C4orf50: variants seen among roughly 807,000 people sequenced by gnomAD.
C4orf50 encodes chromosome 4 open reading frame 50.
Under a neutral mutation model 77.2 loss-of-function variants are expected in C4orf50, and 80 were observed. The observed-to-expected ratio is 1.04, with a 90% confidence interval of 0.87 to 1.25. The LOEUF (loss-of-function observed/expected upper bound fraction) is 1.25, where lower values mean the gene tolerates loss of function less well. Among genes scored for constraint, C4orf50 ranks in the 50% most tolerant of loss-of-function variants. The pLI is 0.00. For missense variants in C4orf50, 1,257 were observed against 1,152.9 expected (o/e 1.09, Z -1.31); for synonymous variants, 532 against 465.3 (o/e 1.14, Z -1.84).
At chr4:5,921,436 C>T (rs77091463) in intron 7 of C4orf50, among the ~76,000 whole-genome samples, 11,168 of 152,156 alleles carry the variant, frequency 0.073, 484 homozygotes, top group Non-Finnish European at 0.1. Context: ...TAGACGGTGG[C>T]ACATGTTATG....
intron 25 of C4orf50, among the ~76,000 whole-genome samples, chr4:6,006,440 T>C (rs1251954240): frequency 6.6e-6 from 1 of 152,204 alleles, no homozygotes; most frequent in Non-Finnish European, 1.5e-5. Flanking sequence ...TGGACTCTCA[T>C]CAAATTTTGA....
intron 7 of C4orf50, among the ~76,000 whole-genome samples, chr4:5,925,036 G>T (rs9291103): frequency 0.79 from 119,959 of 150,976 alleles, 47,718 homozygotes; most frequent in East Asian, 0.84. Context: ...CAGGAGGTTC[G>T]CAGTGGTGGC....
intron 28 of C4orf50, among the ~76,000 whole-genome samples, chr4:5,983,941 A>G (rs980477498): frequency 3.9e-5 from 6 of 152,248 alleles, no homozygotes; most frequent in African/African-American, 1.2e-4. Flanking sequence ...AGCCTTGCAA[A>G]GAACAGCAGC....
Position 6,009,899 on chromosome 4 carries a change from A to T in C4orf50, c.427-1367T>A, listed in dbSNP as rs1339952857. Among the ~76,000 whole-genome samples the T allele has an allele frequency of 1.3e-5, 2 of 152,124 alleles. No homozygotes were observed. The highest frequency in any genetic ancestry group is 2.9e-5 in the Non-Finnish European group (2 of 68,036). ...TTTGAACATCTGCCGCCTGTCTGGA[A>T]ATGGGGTTTTGTGATGAGTCTTTCC... On this transcript the variant is annotated intron_variant, in intron 24 of 33. Coordinates refer to ENST00000531445, the Ensembl canonical transcript of C4orf50. This position sits in a 1 kb window ranked among gnomAD's most constrained non-coding sequence, Gnocchi z 5.6.
intron 28 of C4orf50, among the ~76,000 whole-genome samples, chr4:5,983,033 G>T (rs767387114): frequency 1.1e-4 from 16 of 152,086 alleles, no homozygotes; most frequent in Admixed American, 2.0e-4. Context: ...GAGGGTTTTC[G>T]GTCAAAGAGT....
rs777241196 is a variant in C4orf50 at position 6,017,508 on chromosome 4, G to A, written c.287+637C>T. ...GTGGAGTTGATATAGTTCTGTTTAC[G>A]TAGAAACACCTATTCATTGTGAGTT... On this transcript the variant is annotated intron_variant, in intron 23 of 33. Coordinates refer to ENST00000531445, the Ensembl canonical transcript of C4orf50. This position sits in a 1 kb window ranked among gnomAD's most constrained non-coding sequence, Gnocchi z 4.7. Among the ~76,000 whole-genome samples the A allele has an allele frequency of 9.9e-5, 15 of 152,200 alleles. No homozygotes were observed. Among genetic ancestry groups the A allele is most frequent in the South Asian group, 2.1e-4 (1 of 4,826 alleles).
intron 31 of C4orf50, among the ~76,000 whole-genome samples, chr4:5,972,775 A>G (rs1720004499): frequency 6.6e-6 from 1 of 152,240 alleles, no homozygotes; most frequent in African/African-American, 2.4e-5. Flanking sequence ...ACCCGCGCAC[A>G]TAAGGAGCGG....
rs769294112 is a variant in C4orf50, at chr4:5,965,037, A to C, written c.4262T>G (p.Leu1421Arg). 8 of 1,613,312 alleles carry C rather than the reference A, an allele frequency of 5.0e-6. No individual in the cohort carries two copies. In the South Asian group the frequency reaches 8.8e-5, roughly 18 times the overall value. ...GTGCCTTCTCACCTTCAGAGAATCC[A>C]GTTGGGCTGTCTGTGCTGGCCACTC... The change falls in exon 33 of 34, where the codon CTG becomes CGG. Residue 1421 changes from leucine to arginine, a missense_variant. Leu to Arg is a moderately radical substitution (Grantham distance 102, BLOSUM62 -2). Transcript: ENST00000531445.
chr4:5,939,936 T>C (rs1464474611), intron 7 of C4orf50, among the ~76,000 whole-genome samples: 1 of 152,226 alleles, frequency 6.6e-6, no homozygotes, highest in Non-Finnish European at 1.5e-5. Context: ...GGTTTTTGCA[T>C]CCTCTGCCCC....
At chr4:5,929,943 T>C (rs1462007761) in intron 7 of C4orf50, among the ~76,000 whole-genome samples, 1 of 151,180 alleles carries the variant, frequency 6.6e-6, no homozygotes, top group Non-Finnish European at 1.5e-5. Flanking sequence ...CTACTAGAGA[T>C]GCCAAGTTAG....
At chr4:5,918,218 TCACA>T (rs1224121037) in intron 7 of C4orf50, among the ~76,000 whole-genome samples, 2 of 152,136 alleles carry the variant, frequency 1.3e-5, no homozygotes, top group African/African-American at 4.8e-5. Context: ...GCTTCAGTTA[TCACA>T]CAGCAGAAAG....
chr4:5,931,168 C>T (rs1468552536), intron 7 of C4orf50, among the ~76,000 whole-genome samples: 1 of 152,154 alleles, frequency 6.6e-6, no homozygotes, highest in Non-Finnish European at 1.5e-5. Flanking sequence ...GAGCTGAAAA[C>T]AGCCCCTGCA....
chr4:5,921,686 C>A (rs191300841), intron 7 of C4orf50, among the ~76,000 whole-genome samples: 1 of 152,098 alleles, frequency 6.6e-6, no homozygotes, highest in Admixed American at 6.5e-5. Context: ...AGGGGACACT[C>A]GAGAGGGTGG....
At chr4:5,972,779 G>C (rs186800717) in intron 31 of C4orf50, among the ~76,000 whole-genome samples, 1 of 152,354 alleles carries the variant, frequency 6.6e-6, no homozygotes, top group East Asian at 1.9e-4. Flanking sequence ...GCGCACATAA[G>C]GAGCGGAGCT....
chr4:5,947,867 A>G lies in C4orf50; in HGVS notation c.*2474+9034T>C, dbSNP rs1035909850. On this transcript the variant is annotated intron_variant, in intron 7 of 7. Coordinates refer to the C4orf50 transcript ENST00000324058. ...CAAAAAACTAAACTTAGAAAGTCTAAAAGTGGGAGCTGTCAGCCCAGCCCC... is the reference window on the plus strand; with the variant it reads ...CAAAAAACTAAACTTAGAAAGTCTAGAAGTGGGAGCTGTCAGCCCAGCCCC... Among the ~76,000 whole-genome samples the G allele has an allele frequency of 3.3e-5, 5 of 152,274 alleles. No homozygotes were observed. In the South Asian group the frequency reaches 6.2e-4, roughly 19 times the overall value.
chr4:5,904,781 T>A (rs1002721881), intron 7 of C4orf50: 3 of 152,236 alleles, frequency 2.0e-5, no homozygotes, highest in Non-Finnish European at 4.4e-5. Context: ...AACTCCATCC[T>A]AGCCCAAGCT....
intron 7 of C4orf50, among the ~76,000 whole-genome samples, chr4:5,914,235 C>T (rs1196645032): frequency 3.4e-5 from 4 of 116,614 alleles, no homozygotes; most frequent in Non-Finnish European, 4.9e-5. Flanking sequence ...TTTGGAGTCT[C>T]GCTCTGTCGC....
At chr4:6,013,238 T>C (rs1223078440) in intron 23 of C4orf50, among the ~76,000 whole-genome samples, 1 of 152,124 alleles carries the variant, frequency 6.6e-6, no homozygotes, top group Non-Finnish European at 1.5e-5. Flanking sequence ...CAGACCAGAG[T>C]GTGCTCTCTC....
rs568926231 is a variant in C4orf50, at chr4:5,976,033, T to C, written c.3865-78A>G. ...CAGAGCTTCCCCAGGCAAGCTGGGC[T>C]CAGAACAGCTGGCAGTTGCCTGCCC... is the stretch of plus-strand genomic sequence containing the variant. On this transcript the variant is annotated intron_variant, in intron 29 of 33. Transcript: ENST00000531445. 47 of 1,219,190 alleles carry C rather than the reference T, an allele frequency of 3.9e-5. No individual in the cohort carries two copies. The South Asian group carries it at 5.0e-4, about 13-fold the overall frequency. The allele number at this position is 1,219,190 out of a possible 1,614,324, so 75.5% of individuals were successfully genotyped here.
Sources: gnomAD v4.1 joint callset for allele counts (sites outside exome capture counted in the v4.1 genomes callset) on GRCh38, gnomAD v4.1.1 for gene constraint, Gnocchi (gnomAD v3.1) non-coding constraint, MANE v1.5 for transcripts, NCBI Gene and HGNC (gene_info 2026-07-23, HGNC 2026-07-21) for gene names.